CATSPERE: variants seen among roughly 807,000 people sequenced by gnomAD.
CATSPERE encodes the protein cation channel sperm-associated auxiliary subunit epsilon.
CATSPERE carries 93 observed loss-of-function variants against 114.1 expected under a neutral mutation model. The observed-to-expected ratio is 0.81, with a 90% CI of 0.69 to 0.97. CATSPERE has a LOEUF of 0.97. Among genes scored for constraint, CATSPERE ranks in the 50% least tolerant of loss-of-function variants. The pLI, the probability that CATSPERE is intolerant of heterozygous loss-of-function variation, is 0.00. For synonymous variants in CATSPERE, 341 were observed against 384.1 expected (o/e 0.89, Z 1.31); for missense variants, 1,058 against 1,131.6 (o/e 0.93, Z 0.93).
rs3003292 is a variant in CATSPERE, at chr1:244,512,763, G to A, written c.430-5829G>A. ...ACATTTTCCTTTGGATATTTCTTCAGTGTTGGTTGGGTAGGTTACTCTGGC... is the reference window on the plus strand; with the variant it reads ...ACATTTTCCTTTGGATATTTCTTCAATGTTGGTTGGGTAGGTTACTCTGGC... On this transcript the variant is annotated intron_variant, in intron 7 of 21. Transcript: ENST00000366534. Among the ~76,000 whole-genome samples the A allele has an allele frequency of 7.2e-3, 1,101 of 152,312 alleles. 14 individuals carry two copies. Among genetic ancestry groups the A allele is most frequent in the African/African-American group, 0.025 (1,027 of 41,562 alleles).
At chr1:244,467,674 C>A (rs1332045739) in intron 2 of CATSPERE, among the ~76,000 whole-genome samples, 1 of 152,196 alleles carries the variant, frequency 6.6e-6, no homozygotes, top group Admixed American at 6.5e-5. Flanking sequence ...TTCCTAAGAA[C>A]TCCAAACTAG....
At chr1:244,597,690 T>C (rs989450143) in intron 17 of CATSPERE, among the ~76,000 whole-genome samples, 8 of 152,208 alleles carry the variant, frequency 5.3e-5, no homozygotes. Context: ...ACAGTAATTC[T>C]ACAGTTCTGT....
intron 5 of CATSPERE, among the ~76,000 whole-genome samples, chr1:244,481,232 G>C (rs1283494802): frequency 6.6e-6 from 1 of 152,144 alleles, no homozygotes; most frequent in East Asian, 1.9e-4. Context: ...AGGTGGACCT[G>C]AAGTCAGGAG....
intron 20 of CATSPERE, among the ~76,000 whole-genome samples, chr1:244,634,813 A>G (rs574825446): frequency 2.4e-4 from 36 of 152,368 alleles, no homozygotes; most frequent in African/African-American, 7.9e-4. Flanking sequence ...AGCGTTTGGC[A>G]TGCCGCCTAG....
At chr1:244,609,509 C>T (rs969772812) in intron 18 of CATSPERE, among the ~76,000 whole-genome samples, 2 of 152,042 alleles carry the variant, frequency 1.3e-5, no homozygotes, top group Non-Finnish European at 2.9e-5. Context: ...CGCCACCACA[C>T]CCAGCTAATT....
intron 20 of CATSPERE, among the ~76,000 whole-genome samples, chr1:244,634,134 G>A (rs1301834593): frequency 6.6e-6 from 1 of 152,148 alleles, no homozygotes; most frequent in Non-Finnish European, 1.5e-5. Context: ...AAAGTGATGG[G>A]ATTACAGGTG....
intron 7 of CATSPERE, among the ~76,000 whole-genome samples, chr1:244,501,342 A>G (rs1165199948): frequency 1.3e-5 from 2 of 152,224 alleles, no homozygotes; most frequent in Non-Finnish European, 2.9e-5. Flanking sequence ...GAATAAATAA[A>G]TCCTTTCTTT....
At chr1:244,461,995 T>A (rs75236101) in intron 1 of CATSPERE, among the ~76,000 whole-genome samples, 6,840 of 151,936 alleles carry the variant, frequency 0.045, 312 homozygotes, top group African/African-American at 0.11. Flanking sequence ...AAAAAAAAAA[T>A]TGGTAGAGAC....
rs544659417 is a variant in CATSPERE at position 244,583,707 on chromosome 1, GAGCTGTTACCAGCAGC to G, written c.2010-155_2010-140del. ...GCAGAGCTGTCTTAGCAGAAGCAGA[GAGCTGTTACCAGCAGC>G]ACCATCCTCCAGGCCTCTAGAAATT... On this transcript the variant is annotated intron_variant, in intron 12 of 21. Transcript: ENST00000366534. 5.3e-5 allele frequency among the ~76,000 whole-genome samples: 8 copies of G among 152,304 alleles called. 1 individual carries two copies. The South Asian group carries it at 1.7e-3, about 32-fold the overall frequency.
At chr1:244,574,965 A>AC (rs1239880970) in intron 11 of CATSPERE, among the ~76,000 whole-genome samples, 1 of 151,754 alleles carries the variant, frequency 6.6e-6, no homozygotes, top group Non-Finnish European at 1.5e-5. Flanking sequence ...TCCTAGTCTT[A>AC]CCTTCTGTGT....
chr1:244,477,841 G>T, intron 3 of CATSPERE, 65 bp from the exon 4 acceptor site: 1 of 1,309,252 alleles, frequency 7.6e-7, no homozygotes, highest in Non-Finnish European at 1.1e-6. Context: ...TTAAAAAATA[G>T]TAAGGGAATT....
At chr1:244,615,950 TAA>T (rs35945015) in intron 19 of CATSPERE, among the ~76,000 whole-genome samples, 22,080 of 115,572 alleles carry the variant, frequency 0.19, 2,428 homozygotes, top group African/African-American at 0.36. Flanking sequence ...CCCCATCTCC[TAA>T]AAAAAAAAAA....
intron 20 of CATSPERE, among the ~76,000 whole-genome samples, chr1:244,621,202 GATATATTTATATATATATTTATATAA>G (rs1672243207): frequency 1.1e-4 from 1 of 8,724 alleles, no homozygotes; most frequent in Non-Finnish European, 2.6e-4. Context: ...TATTTATATA[GATATATTTATATATATATTTATATAA>G]ATATATTTAT....
chr1:244,552,122 CTGCAA>C lies in CATSPERE; in HGVS notation c.537-199_537-195del, dbSNP rs538819152. On this transcript the variant is annotated intron_variant, in intron 8 of 21. Transcript: ENST00000366534. ...CTTGAGAATACAGAGACAGAAACAG[CTGCAA>C]GAGTCAAGATTGTGTTCCTTTGGGA... Among the ~76,000 whole-genome samples, 12 of 146,114 alleles carry C rather than the reference CTGCAA, an allele frequency of 8.2e-5. No homozygotes were observed. In the East Asian group the frequency reaches 2.4e-3, roughly 30 times the overall value.
At chr1:244,454,966 C>T (rs1665997214) in intron 1 of CATSPERE, among the ~76,000 whole-genome samples, 1 of 152,086 alleles carries the variant, frequency 6.6e-6, no homozygotes, top group Non-Finnish European at 1.5e-5. Context: ...ACTTTGTGAC[C>T]ATGTGGAGAT....
chr1:244,483,147 A>G (rs1227684168), intron 5 of CATSPERE, among the ~76,000 whole-genome samples: 1 of 152,210 alleles, frequency 6.6e-6, no homozygotes, highest in Admixed American at 6.5e-5. Flanking sequence ...TTGCTACTTA[A>G]AATGTAATCT....
At chr1:244,617,962 A>G (rs760008478) in intron 20 of CATSPERE, among the ~76,000 whole-genome samples, 1 of 152,188 alleles carries the variant, frequency 6.6e-6, no homozygotes, top group Non-Finnish European at 1.5e-5. Context: ...CCTTCAAGGT[A>G]TTTACAATTA....
At chr1:244,484,216 C>T (rs1670665254) in intron 5 of CATSPERE, among the ~76,000 whole-genome samples, 1 of 152,132 alleles carries the variant, frequency 6.6e-6, no homozygotes, top group South Asian at 2.1e-4. Flanking sequence ...TAAATCTTAA[C>T]AAGTGATAGT....
rs555537805 is a variant in CATSPERE at position 244,563,890 on chromosome 1, G to T, written c.1507+2745G>T. Reference sequence around the variant, plus strand: ...TCTTTTAGGGTTTTTGTGGTGTTAGGTCTTAAGTTTAAGTCTCTAATCCAT... The same window carrying T: ...TCTTTTAGGGTTTTTGTGGTGTTAGTTCTTAAGTTTAAGTCTCTAATCCAT... On this transcript the variant is annotated intron_variant, in intron 10 of 21. Coordinates refer to ENST00000366534, the MANE Select transcript of CATSPERE (RefSeq NM_001130957.2). Among the ~76,000 whole-genome samples, 18 of 152,228 alleles carry T rather than the reference G, an allele frequency of 1.2e-4. No individual in the cohort carries two copies. The South Asian group carries it at 3.7e-3, about 32-fold the overall frequency.
Sources: allele counts gnomAD v4.1 joint callset (sites outside exome capture counted in the v4.1 genomes callset), GRCh38; gene constraint gnomAD v4.1.1; transcripts MANE v1.5; gene names NCBI Gene and HGNC (gene_info 2026-07-23, HGNC 2026-07-21).